The following CADPS2 variants were observed in gnomAD, a reference collection of about 807,000 sequenced individuals.
The protein encoded by CADPS2 is calcium-dependent secretion activator 2.
In CADPS2, 93 loss-of-function variants were observed where a neutral mutation model predicts 172.5. That is an observed-to-expected ratio of 0.54 (90% CI 0.46 to 0.64). The LOEUF (loss-of-function observed/expected upper bound fraction) is 0.64, where lower values mean the gene tolerates loss of function less well. Among genes scored for constraint, CADPS2 ranks in the 30% least tolerant of loss-of-function variants. The pLI, the probability that CADPS2 is intolerant of heterozygous loss-of-function variation, is 0.00. For missense variants in CADPS2, 1,420 were observed against 1,565.9 expected (o/e 0.91, Z 1.57); for synonymous variants, 546 against 555.2 (o/e 0.98, Z 0.23).
chr7:122,883,728 T>C (rs1363082293), intron 1 of CADPS2, among the ~76,000 whole-genome samples: 1 of 152,216 alleles, frequency 6.6e-6, no homozygotes. Context: ...AAGTAAATAC[T>C]TAGGCTATTT....
In CADPS2 at chr7:122,672,326, A is replaced by G. The variant is rs567759127; in HGVS notation, c.454-8757T>C. ...TCCAGGCGTCGGTGGTCACCCTCCA[A>G]CTTTCTGCTGTGGGACCCAGGATTC... On this transcript the variant is annotated intron_variant, in intron 2 of 29. Transcript: ENST00000449022. Among the ~76,000 whole-genome samples, 4 of 152,234 alleles carry G rather than the reference A, an allele frequency of 2.6e-5. No homozygotes were observed. The South Asian group carries it at 8.3e-4, about 32-fold the overall frequency.
intron 2 of CADPS2, among the ~76,000 whole-genome samples, chr7:122,678,499 A>T (rs1017368109): frequency 1.3e-5 from 2 of 152,164 alleles, no homozygotes; most frequent in African/African-American, 2.4e-5. Flanking sequence ...TGTAAGGATA[A>T]TTTGGTGGGC....
intron 1 of CADPS2, among the ~76,000 whole-genome samples, chr7:122,779,490 CA>C (rs1792108808): frequency 6.6e-6 from 1 of 152,092 alleles, no homozygotes; most frequent in South Asian, 2.1e-4. Context: ...TAAAGCAAGT[CA>C]AAAGGCCAAG....
intron 3 of CADPS2, among the ~76,000 whole-genome samples, chr7:122,648,098 G>A (rs1053569035): frequency 2.0e-5 from 3 of 152,100 alleles, no homozygotes; most frequent in Non-Finnish European, 4.4e-5. Context: ...ACCAGACTTG[G>A]TAAGCAGGTG....
intron 22 of CADPS2, among the ~76,000 whole-genome samples, chr7:122,392,952 T>G (rs995233949): frequency 3.9e-5 from 6 of 152,088 alleles, no homozygotes; most frequent in Admixed American, 2.0e-4. Context: ...ACCAAATTAT[T>G]CCTGTCCCAC....
At chr7:122,341,270 C>G (rs935112764) in intron 28 of CADPS2, among the ~76,000 whole-genome samples, 7 of 152,158 alleles carry the variant, frequency 4.6e-5, no homozygotes, top group Non-Finnish European at 1.0e-4. Context: ...GGTGGGACAC[C>G]TTGTTTTCAC....
chr7:122,466,345 T>C (rs1325620922), intron 14 of CADPS2, among the ~76,000 whole-genome samples: 4 of 152,234 alleles, frequency 2.6e-5, no homozygotes, highest in African/African-American at 9.6e-5. Flanking sequence ...GCAGTCTGTC[T>C]ACATACTTAT....
At chr7:122,869,029 A>G (rs1413474272) in intron 1 of CADPS2, among the ~76,000 whole-genome samples, 1 of 152,126 alleles carries the variant, frequency 6.6e-6, no homozygotes, top group Non-Finnish European at 1.5e-5. Flanking sequence ...AAAAAGAATG[A>G]AAAAGACTGA....
intron 28 of CADPS2, among the ~76,000 whole-genome samples, chr7:122,334,665 G>A (rs2035565761): frequency 6.6e-6 from 1 of 152,094 alleles, no homozygotes; most frequent in Admixed American, 6.6e-5. Context: ...TAAACCTTTA[G>A]CAAGTTTACA....
intron 1 of CADPS2, among the ~76,000 whole-genome samples, chr7:122,804,223 T>G (rs1798308297): frequency 6.6e-6 from 1 of 152,216 alleles, no homozygotes; most frequent in Non-Finnish European, 1.5e-5. Context: ...CCAGTATTTC[T>G]CCATAAGGGA....
intron 14 of CADPS2, among the ~76,000 whole-genome samples, chr7:122,452,796 C>G (rs774311515): frequency 2.0e-5 from 3 of 152,062 alleles, no homozygotes; most frequent in Non-Finnish European, 4.4e-5. Flanking sequence ...TAGGTAGAAA[C>G]AGGAATTATT....
At chr7:122,765,204 T>C (rs936740527) in intron 1 of CADPS2, among the ~76,000 whole-genome samples, 1 of 152,154 alleles carries the variant, frequency 6.6e-6, no homozygotes, top group African/African-American at 2.4e-5. Context: ...ACAGTTATAT[T>C]TTACTCCAGC....
intron 1 of CADPS2, among the ~76,000 whole-genome samples, chr7:122,860,011 A>C (rs1816500990): frequency 6.6e-6 from 1 of 152,124 alleles, no homozygotes; most frequent in African/African-American, 2.4e-5. Flanking sequence ...AACAGTCTTA[A>C]AAGGATGATC....
intron 2 of CADPS2, among the ~76,000 whole-genome samples, chr7:122,672,525 C>T (rs1421587277): frequency 1.3e-5 from 2 of 152,164 alleles, no homozygotes; most frequent in African/African-American, 4.8e-5. Context: ...CCAATATCAT[C>T]GTCTTTTAAA....
At chr7:122,472,781 T>C (rs1044876834) in intron 13 of CADPS2, among the ~76,000 whole-genome samples, 12 of 152,112 alleles carry the variant, frequency 7.9e-5, no homozygotes, top group African/African-American at 2.9e-4. Context: ...AAAGTTTGAG[T>C]TGGATCAGGT....
chr7:122,756,378 GTTCAA>G (rs2093161578), intron 1 of CADPS2, among the ~76,000 whole-genome samples: 1 of 152,034 alleles, frequency 6.6e-6, no homozygotes, highest in Admixed American at 6.6e-5. Flanking sequence ...ATATGAGAAG[GTTCAA>G]TTCAATTTGA....
intron 1 of CADPS2, among the ~76,000 whole-genome samples, chr7:122,786,580 G>T (rs1794087112): frequency 6.6e-6 from 1 of 152,136 alleles, no homozygotes; most frequent in African/African-American, 2.4e-5. Context: ...AGCCATTGGT[G>T]AGATAAATAT....
intron 1 of CADPS2, among the ~76,000 whole-genome samples, chr7:122,827,556 T>TGGGA (rs1805284606): frequency 6.6e-6 from 1 of 150,828 alleles, no homozygotes; most frequent in Admixed American, 6.6e-5. Context: ...CGTTTGAACC[T>TGGGA]GGGAGGCGGA....
intron 2 of CADPS2, among the ~76,000 whole-genome samples, chr7:122,696,545 T>C (rs2085134129): frequency 6.6e-6 from 1 of 151,978 alleles, no homozygotes; most frequent in Admixed American, 6.6e-5. Flanking sequence ...ACTGCCCTTC[T>C]ACCTGTGTCT....
Sources: gnomAD v4.1 joint callset for allele counts (sites outside exome capture counted in the v4.1 genomes callset) on GRCh38, gnomAD v4.1.1 for gene constraint, MANE v1.5 for transcripts, NCBI Gene and HGNC (gene_info 2026-07-23, HGNC 2026-07-21) for gene names.